Variants in CNTNAP2 observed in about 807,000 individuals in gnomAD.
CNTNAP2 encodes contactin-associated protein-like 2.
CNTNAP2 carries 98 observed loss-of-function variants against 155.2 expected under a neutral mutation model. The ratio of observed to expected loss-of-function variants is 0.63; its 90% CI spans 0.54 to 0.75. The LOEUF (loss-of-function observed/expected upper bound fraction) is 0.75. Ranked by LOEUF, CNTNAP2 falls within the 30% of genes least tolerant of loss-of-function variation. The probability of loss-of-function intolerance (pLI) is 0.00; values close to 1 mark genes in which losing one functional copy is unlikely to be tolerated. For missense variants in CNTNAP2, 1,727 were observed against 1,688.1 expected, an observed-to-expected ratio of 1.02 and a Z score of -0.40; for synonymous variants, 651 against 631.2, an observed-to-expected ratio of 1.03 and a Z score of -0.47.
At chr7:146,675,886 T>A (rs978081041) in intron 1 of CNTNAP2, among the ~76,000 whole-genome samples, 1 of 152,178 alleles carries the variant, frequency 6.6e-6, no homozygotes, top group Non-Finnish European at 1.5e-5. Flanking sequence ...ATGCTTCATT[T>A]TATTAGTAAG....
At chr7:146,242,744 A>T (rs951882159) in intron 1 of CNTNAP2, among the ~76,000 whole-genome samples, 2 of 152,194 alleles carry the variant, frequency 1.3e-5, no homozygotes, top group African/African-American at 2.4e-5. Flanking sequence ...GTATTAGCCC[A>T]TCCTAAAATA....
At chr7:147,071,055 G>A (rs1442058201) in intron 4 of CNTNAP2, among the ~76,000 whole-genome samples, 1 of 151,848 alleles carries the variant, frequency 6.6e-6, no homozygotes, top group African/African-American at 2.4e-5. Context: ...CAACTCTGTG[G>A]GACTCTTGCT....
At chr7:147,403,452 C>G (rs1796952679) in intron 10 of CNTNAP2, among the ~76,000 whole-genome samples, 1 of 152,128 alleles carries the variant, frequency 6.6e-6, no homozygotes, top group Non-Finnish European at 1.5e-5. Flanking sequence ...CTCTCAGATT[C>G]TTTTTTGGCT....
chr7:147,045,790 C>T (rs567828227), intron 4 of CNTNAP2, among the ~76,000 whole-genome samples: 1 of 151,976 alleles, frequency 6.6e-6, no homozygotes, highest in South Asian at 2.1e-4. Flanking sequence ...CCATGTTTAA[C>T]TTTTAGTAAA....
chr7:146,124,333 T>C (rs151242147), intron 1 of CNTNAP2, among the ~76,000 whole-genome samples: 2 of 152,280 alleles, frequency 1.3e-5, no homozygotes, highest in Non-Finnish European at 2.9e-5. Context: ...GTGGATTAAA[T>C]TTTATCACTG....
intron 1 of CNTNAP2, among the ~76,000 whole-genome samples, chr7:146,299,866 T>G (rs1199221295): frequency 6.6e-6 from 1 of 152,128 alleles, no homozygotes; most frequent in African/African-American, 2.4e-5. Context: ...AAGATTATAA[T>G]GGTAGAGAAT....
chr7:147,562,269 A>T lies in CNTNAP2; in HGVS notation c.1897+12A>T, dbSNP rs560579084. The T allele has an allele frequency of 6.2e-7, 1 of 1,613,686 alleles. No homozygotes were observed. Among genetic ancestry groups the T allele is most frequent in the Non-Finnish European group, 8.5e-7 (1 of 1,179,828 alleles). On this transcript the variant is annotated intron_variant, in intron 12 of 23. Transcript: ENST00000361727. Reference sequence around the variant, plus strand: ...CTGCAACATGACAGGTAACTGTGTCATATTTATGTTTTATGAAGATGCTTT... The same window carrying T: ...CTGCAACATGACAGGTAACTGTGTCTTATTTATGTTTTATGAAGATGCTTT...
At chr7:147,755,814 T>G (rs1584939645) in intron 13 of CNTNAP2, among the ~76,000 whole-genome samples, 2 of 152,132 alleles carry the variant, frequency 1.3e-5, no homozygotes, top group East Asian at 3.9e-4. Flanking sequence ...TTCTAGAAAT[T>G]TTAAACAAGG....
At chr7:146,809,813 GTTGA>G (rs1343595878) in intron 2 of CNTNAP2, among the ~76,000 whole-genome samples, 1 of 152,046 alleles carries the variant, frequency 6.6e-6, no homozygotes, top group Non-Finnish European at 1.5e-5. Context: ...TTTTCATTTT[GTTGA>G]TTGTTTCCTT....
intron 1 of CNTNAP2, 144 bp downstream of exon 1, chr7:146,117,117 G>A (rs1380378187): frequency 5.8e-6 from 4 of 694,960 alleles, no homozygotes; most frequent in South Asian, 1.7e-5. Flanking sequence ...TGCAGCCACT[G>A]CAGTAGACAA....
At chr7:146,754,840 C>T (rs903794868) in intron 1 of CNTNAP2, among the ~76,000 whole-genome samples, 1 of 151,896 alleles carries the variant, frequency 6.6e-6, no homozygotes, top group Non-Finnish European at 1.5e-5. Context: ...ACACCGTATT[C>T]TCAAAACTAT....
chr7:146,546,966 A>C (rs1214363474), intron 1 of CNTNAP2, among the ~76,000 whole-genome samples: 1 of 151,948 alleles, frequency 6.6e-6, no homozygotes, highest in African/African-American at 2.4e-5. Context: ...TTCTAACAGT[A>C]ATAGGTATCT....
intron 15 of CNTNAP2, among the ~76,000 whole-genome samples, chr7:148,026,229 G>A (rs1243019172): frequency 6.6e-6 from 1 of 152,074 alleles, no homozygotes; most frequent in African/African-American, 2.4e-5. Flanking sequence ...CAGGCAGATT[G>A]CTTGAGCTCA....
Position 147,480,773 on chromosome 7 carries a change from C to T in CNTNAP2, c.1671-5162C>T, listed in dbSNP as rs192789538. ...AGCAACTGCATTCTCCTTTGAGCCC[C>T]CGCTGCAGAGAAGTGCGATGCGCTA... On this transcript the variant is annotated intron_variant, in intron 10 of 23. Coordinates refer to ENST00000361727, the MANE Select transcript of CNTNAP2 (RefSeq NM_014141.6). 1.8e-3 allele frequency among the ~76,000 whole-genome samples: 278 copies of T among 152,234 alleles called. 3 individuals are homozygous for T. The highest frequency in any genetic ancestry group is 2.2e-4 in the Non-Finnish European group (15 of 68,022).
chr7:147,656,283 C>A (rs1476363616), intron 13 of CNTNAP2, among the ~76,000 whole-genome samples: 1 of 152,174 alleles, frequency 6.6e-6, no homozygotes, highest in Non-Finnish European at 1.5e-5. Context: ...CTTTCAATTG[C>A]CTTTGAGAAT....
chr7:147,660,818 T>C (rs922162112), intron 13 of CNTNAP2, among the ~76,000 whole-genome samples: 2 of 152,212 alleles, frequency 1.3e-5, no homozygotes, highest in Non-Finnish European at 2.9e-5. Context: ...GGTAGGAGAC[T>C]GGTTAGCCTC....
In CNTNAP2 at chr7:147,345,622, G is replaced by A. The variant is rs147270542; in HGVS notation, c.1498+45332G>A. Among the ~76,000 whole-genome samples the A allele has an allele frequency of 3.9e-5, 6 of 152,224 alleles. No individual in the cohort carries two copies. The East Asian group carries it at 1.2e-3, about 29-fold the overall frequency. On this transcript the variant is annotated intron_variant, in intron 9 of 23. Coordinates refer to ENST00000361727, the MANE Select transcript of CNTNAP2 (RefSeq NM_014141.6). Reference sequence around the variant, plus strand: ...GGGTTAAAACACTTGGCTAACATATGGTTGCCAAAGATAAGGTGCCTATTT... The same window carrying A: ...GGGTTAAAACACTTGGCTAACATATAGTTGCCAAAGATAAGGTGCCTATTT...
At chr7:146,679,830 T>C (rs1800471021) in intron 1 of CNTNAP2, among the ~76,000 whole-genome samples, 1 of 152,188 alleles carries the variant, frequency 6.6e-6, no homozygotes, top group Non-Finnish European at 1.5e-5. Context: ...GATGGGACTT[T>C]TACAGTTTAA....
chr7:147,539,367 C>A (rs1799601517), intron 11 of CNTNAP2, among the ~76,000 whole-genome samples: 1 of 152,050 alleles, frequency 6.6e-6, no homozygotes, highest in South Asian at 2.1e-4. Flanking sequence ...AACTGGGACA[C>A]TAAAGGTTAA....
Sources: allele counts gnomAD v4.1 joint callset (sites outside exome capture counted in the v4.1 genomes callset), GRCh38; gene constraint gnomAD v4.1.1; transcripts MANE v1.5; gene names NCBI Gene and HGNC (gene_info 2026-07-23, HGNC 2026-07-21).